The following FAM227B variants were observed in gnomAD, a reference collection of about 807,000 sequenced individuals.
The protein encoded by FAM227B is family with sequence similarity 227 member B.
Under a neutral mutation model 73.8 loss-of-function variants are expected in FAM227B, and 88 were observed. The observed-to-expected ratio is 1.19, with a 90% CI of 1.00 to 1.42. The LOEUF is 1.42. Among genes scored for constraint, FAM227B ranks in the 40% most tolerant of loss-of-function variants. The pLI, the probability that FAM227B is intolerant of heterozygous loss-of-function variation, is 0.00. For synonymous variants in FAM227B, 210 were observed against 190.5 expected, an observed-to-expected ratio of 1.10 and a Z score of -0.84; for missense variants, 632 against 590.9, an observed-to-expected ratio of 1.07 and a Z score of -0.72.
At chr15:49,370,197 T>C (rs1333391403) in intron 12 of FAM227B, among the ~76,000 whole-genome samples, 2 of 152,232 alleles carry the variant, frequency 1.3e-5, no homozygotes, top group Admixed American at 6.5e-5. Context: ...AGCTGACTAG[T>C]ACAATGGGAC....
chr15:49,352,058 G>A (rs1341391158), intron 13 of FAM227B, among the ~76,000 whole-genome samples: 1 of 152,182 alleles, frequency 6.6e-6, no homozygotes, highest in African/African-American at 2.4e-5. Flanking sequence ...CCATCTCAAA[G>A]ATTTCCTCAT....
intron 5 of FAM227B, 114 bp downstream of exon 5, chr15:49,587,902 T>C (rs2076266217): frequency 2.1e-6 from 2 of 941,854 alleles, no homozygotes; most frequent in Non-Finnish European, 2.8e-6. Context: ...TTGGTAACAG[T>C]AGACTAAAAG....
chr15:49,567,605 A>G (rs1598288782), intron 9 of FAM227B, among the ~76,000 whole-genome samples: 3 of 152,134 alleles, frequency 2.0e-5, no homozygotes, highest in South Asian at 2.1e-4. Flanking sequence ...TACAAACTCC[A>G]AAGTATTTAC....
intron 9 of FAM227B, among the ~76,000 whole-genome samples, chr15:49,558,838 A>G (rs974367359): frequency 6.6e-6 from 1 of 152,074 alleles, no homozygotes; most frequent in Non-Finnish European, 1.5e-5. Context: ...CAGGCACTGG[A>G]CCACTTCCCC....
chr15:49,407,223 C>T (rs2048573456), intron 11 of FAM227B, among the ~76,000 whole-genome samples: 1 of 152,206 alleles, frequency 6.6e-6, no homozygotes, highest in South Asian at 2.1e-4. Context: ...CTCTCCCTGT[C>T]AACTTGAGTG....
intron 13 of FAM227B, among the ~76,000 whole-genome samples, chr15:49,354,562 G>A (rs8034956): frequency 2.6e-5 from 4 of 152,052 alleles, no homozygotes; most frequent in Non-Finnish European, 5.9e-5. Context: ...GGCGCACCAC[G>A]AGATTATATC....
intron 5 of FAM227B, among the ~76,000 whole-genome samples, chr15:49,582,640 A>G (rs988445435): frequency 1.3e-5 from 2 of 152,196 alleles, no homozygotes; most frequent in African/African-American, 2.4e-5. Context: ...CCTGGCAGAC[A>G]TCTACAGAAC....
chr15:49,600,877 C>T (rs1031843702), intron 3 of FAM227B, among the ~76,000 whole-genome samples: 2 of 151,156 alleles, frequency 1.3e-5, no homozygotes, highest in Non-Finnish European at 3.0e-5. Flanking sequence ...CCCATCTCTA[C>T]TAAAAATACC....
chr15:49,359,687 C>T (rs1005645197), intron 13 of FAM227B, among the ~76,000 whole-genome samples: 6 of 137,622 alleles, frequency 4.4e-5, no homozygotes, highest in Non-Finnish European at 9.5e-5. Context: ...GTGGCGATTC[C>T]TCAGGGATCT....
intron 11 of FAM227B, among the ~76,000 whole-genome samples, chr15:49,423,776 G>C (rs1290207413): frequency 6.6e-6 from 1 of 152,080 alleles, no homozygotes; most frequent in Non-Finnish European, 1.5e-5. Flanking sequence ...GTGCAGTATG[G>C]TTCTCACAAA....
chr15:49,398,193 C>A (rs1252768860), intron 11 of FAM227B, among the ~76,000 whole-genome samples: 11 of 152,088 alleles, frequency 7.2e-5, no homozygotes, highest in African/African-American at 2.7e-4. Context: ...GCAGGGGTTG[C>A]AATCCCAGTC....
intron 11 of FAM227B, among the ~76,000 whole-genome samples, chr15:49,493,351 G>T (rs141554172): frequency 2.0e-5 from 3 of 151,902 alleles, no homozygotes; most frequent in East Asian, 1.9e-4. Flanking sequence ...CCATCCATCT[G>T]GTCCAATCTC....
chr15:49,509,765 C>T (rs972537923), intron 10 of FAM227B, among the ~76,000 whole-genome samples: 9 of 152,098 alleles, frequency 5.9e-5, no homozygotes, highest in African/African-American at 1.7e-4. Flanking sequence ...AAAAACTAAA[C>T]TCTAGTAGGA....
intron 9 of FAM227B, among the ~76,000 whole-genome samples, chr15:49,566,422 A>C (rs533650142): frequency 4.6e-5 from 7 of 152,352 alleles, no homozygotes; most frequent in African/African-American, 1.7e-4. Flanking sequence ...ATTAAGTGTC[A>C]AACTATTTGG....
In FAM227B at chr15:49,588,058, A is replaced by G. The variant is rs201076822; in HGVS notation, c.363T>C (p.Tyr121=). ...TATGGTACTTCTTTAGAAATTCCCC[A>G]TATCGTTCCAATTTTCTATAAGAAC... ...ETSSYRKLER[Y]GEFLKKYHKK... is the part of the protein sequence containing the mutation. Residue 121 remains tyrosine (Y), a synonymous_variant, in exon 5 of 16, where the codon TAT becomes TAC. Transcript: ENST00000299338. 41 of 1,427,558 alleles carry G rather than the reference A, an allele frequency of 2.9e-5. No homozygotes were observed. The highest frequency in any genetic ancestry group is 3.9e-5 in the Non-Finnish European group (41 of 1,064,850). The allele number at this position is 1,427,558 out of a possible 1,614,324, so 88.4% of individuals were successfully genotyped here.
At chr15:49,577,867 C>T (rs968929165) in intron 5 of FAM227B, among the ~76,000 whole-genome samples, 4 of 152,050 alleles carry the variant, frequency 2.6e-5, no homozygotes, top group South Asian at 2.1e-4. Flanking sequence ...GGTTCAAAAA[C>T]GGAATCAGAT....
intron 6 of FAM227B, 94 bp downstream of exon 6, chr15:49,577,535 A>G (rs1424379434): frequency 1.7e-5 from 12 of 708,864 alleles, no homozygotes; most frequent in Non-Finnish European, 2.5e-5. Flanking sequence ...ACCTCTCTCT[A>G]TATTTAGAGC....
Position 49,327,665 on chromosome 15 carries a change from G to C in FAM227B, c.*903C>G. 1 of 234,206 alleles carries C rather than the reference G, an allele frequency of 4.3e-6. No homozygotes were observed. Among genetic ancestry groups the C allele is most frequent in the Non-Finnish European group, 8.2e-6 (1 of 121,482 alleles). The allele number at this position is 234,206 out of a possible 1,614,324, so 14.5% of individuals were successfully genotyped here. A position where few individuals can be genotyped will look rare whatever the true frequency, so the allele number is the denominator to read the frequency against. ...CAACTCTTCAAGTGGCTACTTTATG[G>C]AATCAATATTACAGTGGGTTATTGC... On this transcript the variant is annotated 3_prime_UTR_variant, in exon 16 of 16. Transcript: ENST00000299338.
chr15:49,579,771 T>C (rs2075695632), intron 5 of FAM227B, among the ~76,000 whole-genome samples: 1 of 152,178 alleles, frequency 6.6e-6, no homozygotes, highest in African/African-American at 2.4e-5. Flanking sequence ...GTATTGTATA[T>C]TTCAAAATAG....
Sources: gnomAD v4.1 joint callset for allele counts (sites outside exome capture counted in the v4.1 genomes callset) on GRCh38, gnomAD v4.1.1 for gene constraint, MANE v1.5 for transcripts, NCBI Gene and HGNC (gene_info 2026-07-23, HGNC 2026-07-21) for gene names.